Variants in SOCS5 observed in about 807,000 individuals in gnomAD.
SOCS5 encodes the protein CIS-6.
SOCS5 carries 32 observed loss-of-function variants against 42.8 expected under a neutral mutation model. The ratio of observed to expected loss-of-function variants is 0.75; its 90% CI spans 0.56 to 1.01. The LOEUF is 1.01. Among genes scored for constraint, SOCS5 ranks in the 50% least tolerant of loss-of-function variants. The pLI, the probability that SOCS5 is intolerant of heterozygous loss-of-function variation, is 0.00. For missense variants in SOCS5, 627 were observed against 653.0 expected (o/e 0.96, Z 0.43); for synonymous variants, 283 against 229.6 (o/e 1.23, Z -2.10).
At chr2:46,737,522 T>A (rs1673280202) in intron 1 of SOCS5, among the ~76,000 whole-genome samples, 1 of 152,230 alleles carries the variant, frequency 6.6e-6, no homozygotes, top group African/African-American at 2.4e-5. Flanking sequence ...TTTTGGATGC[T>A]TGGTTGCTAA....
At position 46,699,427 on chromosome 2, in the gene SOCS5, GGCCGCCCCGCGC is replaced by G. The variant is rs1340882521; in HGVS notation, c.-31_-20del. On this transcript the variant is annotated 5_prime_UTR_variant, in exon 1 of 2. Transcript: ENST00000394861. This position sits in a 1 kb window ranked among gnomAD's most constrained non-coding sequence, Gnocchi z 4.8. ...GCCTGGCCGCAGGTGCCCTGGATGA[GGCCGCCCCGCGC>G]GCCCCAAACGGTGAGTGTCCCCGCG... The G allele has an allele frequency of 6.6e-6, 1 of 152,098 alleles. No individual in the cohort carries two copies. The highest frequency in any genetic ancestry group is 1.5e-5 in the Non-Finnish European group (1 of 67,956). 9.4% of individuals were successfully genotyped at this position (152,098 alleles called of 1,614,324 possible).
At chr2:46,739,342 A>G (rs1159406984) in intron 1 of SOCS5, among the ~76,000 whole-genome samples, 2 of 152,154 alleles carry the variant, frequency 1.3e-5, no homozygotes, top group Admixed American at 1.3e-4. Context: ...GTGAACTATT[A>G]TTGGAGTTTC....
chr2:46,756,450 C>G (rs1231082155), intron 1 of SOCS5, among the ~76,000 whole-genome samples: 2 of 152,192 alleles, frequency 1.3e-5, no homozygotes, highest in Non-Finnish European at 2.9e-5. Context: ...TTTTTCTGAG[C>G]TGGGATCCCT....
At chr2:46,732,476 A>T (rs759387583) in intron 1 of SOCS5, among the ~76,000 whole-genome samples, 11 of 152,368 alleles carry the variant, frequency 7.2e-5, no homozygotes, top group Non-Finnish European at 1.2e-4. Flanking sequence ...GAAAACTCCT[A>T]TGTAGTTTGA....
At chr2:46,743,830 T>G (rs1414441905) in intron 1 of SOCS5, among the ~76,000 whole-genome samples, 1 of 152,262 alleles carries the variant, frequency 6.6e-6, no homozygotes, top group East Asian at 1.9e-4. Context: ...TATTTTCTGT[T>G]GGTAATAGGA....
chr2:46,700,440 G>A (rs1381184978), intron 1 of SOCS5, among the ~76,000 whole-genome samples: 2 of 152,128 alleles, frequency 1.3e-5, no homozygotes, highest in African/African-American at 4.8e-5. Flanking sequence ...CCTATTTAAC[G>A]TTTAGAATGG....
At chr2:46,742,662 TGTTTA>T in intron 1 of SOCS5, among the ~76,000 whole-genome samples, 1 of 152,218 alleles carries the variant, frequency 6.6e-6, no homozygotes, top group African/African-American at 2.4e-5. Context: ...AGTTTTTTTA[TGTTTA>T]CTACTTCTTT....
intron 1 of SOCS5, among the ~76,000 whole-genome samples, chr2:46,710,440 T>G (rs1254229489): frequency 6.6e-6 from 1 of 152,204 alleles, no homozygotes; most frequent in East Asian, 1.9e-4. Context: ...CCGCAGTGCC[T>G]GGCCTCCTTT....
At chr2:46,719,789 C>T (rs531714375) in intron 1 of SOCS5, among the ~76,000 whole-genome samples, 11 of 152,106 alleles carry the variant, frequency 7.2e-5, no homozygotes, top group Non-Finnish European at 1.3e-4. Context: ...TAGGTGTGTC[C>T]TTCAGGGAAG....
rs35187667 is a variant in SOCS5 at position 46,716,367 on chromosome 2, A to ATT, written c.-13+16946_-13+16947dup. ...GGATTTCATGATGTTGAGTGTCTTC[A>ATT]TTTTTTTTTTTTTTTTTTTTTTTTT... On this transcript the variant is annotated intron_variant, in intron 1 of 1. Coordinates refer to ENST00000394861, the MANE Select transcript of SOCS5 (RefSeq NM_144949.3). Among the ~76,000 whole-genome samples, 12 of 17,042 alleles carry ATT rather than the reference A, an allele frequency of 7.0e-4. 1 individual carries two copies. The highest frequency in any genetic ancestry group is 1.8e-3 in the African/African-American group (10 of 5,690). The allele number at this position is 17,042 out of a possible 152,430, so 11.2% of individuals were successfully genotyped here.
chr2:46,714,519 T>C (rs992032632), intron 1 of SOCS5, among the ~76,000 whole-genome samples: 1 of 152,360 alleles, frequency 6.6e-6, no homozygotes. Context: ...TATATCATTA[T>C]ACTTGAAGTG....
rs1673902231 is a variant in SOCS5 at position 46,762,920 on chromosome 2, T to TTGGGG, written c.*2780_*2781insGGGGT. On this transcript the variant is annotated 3_prime_UTR_variant, in exon 2 of 2. Transcript: ENST00000394861. ...CCTTCCGCATACATATAAGTGTGTA[T>TTGGGG]TATATATTTATGTATGCACATATAT... 6.0e-6 allele frequency: 1 copy of TTGGGG among 167,048 alleles called. No individual in the cohort carries two copies. Among genetic ancestry groups the TTGGGG allele is most frequent in the Admixed American group, 6.5e-5 (1 of 15,284 alleles). 10.3% of individuals were successfully genotyped at this position (167,048 alleles called of 1,614,324 possible).
At chr2:46,745,303 T>C (rs949720995) in intron 1 of SOCS5, among the ~76,000 whole-genome samples, 2 of 152,162 alleles carry the variant, frequency 1.3e-5, no homozygotes, top group African/African-American at 4.8e-5. Context: ...CCTTAAACTG[T>C]GTAGAAGTTC....
At chr2:46,746,270 C>T (rs1290735190) in intron 1 of SOCS5, among the ~76,000 whole-genome samples, 1 of 152,126 alleles carries the variant, frequency 6.6e-6, no homozygotes, top group Non-Finnish European at 1.5e-5. Flanking sequence ...TTATTCACCA[C>T]TCCCCAGAGT....
chr2:46,743,769 T>G, intron 1 of SOCS5, among the ~76,000 whole-genome samples: 1 of 152,260 alleles, frequency 6.6e-6, no homozygotes, highest in East Asian at 1.9e-4. Context: ...TACAAGGGAC[T>G]GGGGGGCATC....
intron 1 of SOCS5, among the ~76,000 whole-genome samples, chr2:46,716,801 C>G (rs940416197): frequency 6.6e-6 from 1 of 152,170 alleles, no homozygotes; most frequent in African/African-American, 2.4e-5. Context: ...CTTGAACTTT[C>G]AAGTTTTGTT....
At chr2:46,738,742 T>A (rs978676422) in intron 1 of SOCS5, among the ~76,000 whole-genome samples, 1 of 152,206 alleles carries the variant, frequency 6.6e-6, no homozygotes, top group Non-Finnish European at 1.5e-5. Context: ...TTAAAAAATC[T>A]TTAAGTCAAA....
At chr2:46,725,055 G>A (rs1672962701) in intron 1 of SOCS5, among the ~76,000 whole-genome samples, 2 of 151,840 alleles carry the variant, frequency 1.3e-5, no homozygotes, top group African/African-American at 4.8e-5. Context: ...GTTGTTAGGT[G>A]CATACACATT....
chr2:46,740,843 G>A (rs1673356860), intron 1 of SOCS5, among the ~76,000 whole-genome samples: 2 of 152,058 alleles, frequency 1.3e-5, no homozygotes, highest in Admixed American at 1.3e-4. Context: ...TTTGTTCTTG[G>A]ACTTCTGACC....
Sources: allele counts gnomAD v4.1 joint callset (sites outside exome capture counted in the v4.1 genomes callset), GRCh38; gene constraint gnomAD v4.1.1; non-coding constraint Gnocchi (gnomAD v3.1); transcripts MANE v1.5; gene names NCBI Gene and HGNC (gene_info 2026-07-23, HGNC 2026-07-21).